Variants in GRID2 observed in about 807,000 individuals in gnomAD.
The protein encoded by GRID2 is glutamate receptor ionotropic, delta-2.
GRID2 carries 33 observed loss-of-function variants against 114.8 expected under a neutral mutation model. The observed-to-expected ratio is 0.29, with a 90% CI of 0.22 to 0.38. The LOEUF is 0.38. Ranked by LOEUF, GRID2 falls within the 10% of genes least tolerant of loss-of-function variation. The probability of loss-of-function intolerance (pLI) is 1.00; values close to 1 mark genes in which losing one functional copy is unlikely to be tolerated. For missense variants in GRID2, 1,184 were observed against 1,257.7 expected (o/e 0.94, Z 0.89); for synonymous variants, 505 against 449.9 (o/e 1.12, Z -1.55).
intron 14 of GRID2, among the ~76,000 whole-genome samples, chr4:93,632,607 T>C (rs1443245882): frequency 1.3e-5 from 2 of 152,208 alleles, no homozygotes; most frequent in Non-Finnish European, 2.9e-5. Flanking sequence ...CCATGCTGTT[T>C]TGGTTACTGT....
At chr4:92,968,026 A>G (rs1753270787) in intron 2 of GRID2, among the ~76,000 whole-genome samples, 1 of 151,910 alleles carries the variant, frequency 6.6e-6, no homozygotes, top group South Asian at 2.1e-4. Context: ...CTAGAACACC[A>G]TTAGGCCTGA....
chr4:92,304,445 C>T lies in GRID2; in HGVS notation c.-212C>T. ...CAAAATTCCCCTCCAAGTGACACGGCTTTGCGAAGGAGGTTTCCTCAGGCT... is the reference window on the plus strand; with the variant it reads ...CAAAATTCCCCTCCAAGTGACACGGTTTTGCGAAGGAGGTTTCCTCAGGCT... On this transcript the variant is annotated 5_prime_UTR_variant, in exon 1 of 16. Transcript: ENST00000282020. 1.7e-6 allele frequency: 1 copy of T among 597,258 alleles called. No individual in the cohort carries two copies. The allele number at this position is 597,258 out of a possible 1,614,324, so 37.0% of individuals were successfully genotyped here. A position where few individuals can be genotyped will look rare whatever the true frequency, so the allele number is the denominator to read the frequency against.
chr4:93,562,283 T>C lies in GRID2; in HGVS notation c.2193+46872T>C, dbSNP rs375101937. ...TGCATTTCCCTGATGATATACGATG[T>C]GGAGCATCATATAATAATAATAAGA... On this transcript the variant is annotated intron_variant, in intron 13 of 15. Coordinates refer to ENST00000282020, the MANE Select transcript of GRID2 (RefSeq NM_001510.4). Among the ~76,000 whole-genome samples the C allele has an allele frequency of 3.7e-4, 56 of 152,114 alleles. No individual in the cohort carries two copies. The Middle Eastern group carries it at 0.01, about 28-fold the overall frequency.
intron 2 of GRID2, among the ~76,000 whole-genome samples, chr4:92,630,622 G>A (rs1225888117): frequency 6.6e-6 from 1 of 152,026 alleles, no homozygotes; most frequent in East Asian, 1.9e-4. Context: ...GTTTTAGCTC[G>A]CTAAATCCTA....
chr4:92,374,780 T>C (rs1349186502), intron 1 of GRID2, among the ~76,000 whole-genome samples: 20 of 152,140 alleles, frequency 1.3e-4, no homozygotes, highest in Admixed American at 1.3e-3. Flanking sequence ...TAGGAATTCT[T>C]GAAGGGGATA....
chr4:92,403,628 G>T (rs1014736528), intron 1 of GRID2, among the ~76,000 whole-genome samples: 2 of 151,598 alleles, frequency 1.3e-5, no homozygotes, highest in Non-Finnish European at 2.9e-5. Flanking sequence ...GGAGGCAGAG[G>T]TTGCAGTGAG....
chr4:92,396,935 A>T (rs886321158), intron 1 of GRID2, among the ~76,000 whole-genome samples: 1 of 152,116 alleles, frequency 6.6e-6, no homozygotes, highest in Non-Finnish European at 1.5e-5. Context: ...TAACAGTAGA[A>T]CAAACTGCTG....
intron 2 of GRID2, among the ~76,000 whole-genome samples, chr4:92,776,934 G>A (rs1370334265): frequency 3.3e-5 from 5 of 152,032 alleles, no homozygotes; most frequent in Non-Finnish European, 5.9e-5. Context: ...AAAAAATGAT[G>A]TGAAGTGATC....
chr4:93,761,882 T>G (rs917307054), intron 14 of GRID2, among the ~76,000 whole-genome samples: 6 of 152,174 alleles, frequency 3.9e-5, no homozygotes, highest in Admixed American at 6.6e-5. Flanking sequence ...CACAGGAAGT[T>G]GATAGAATTG....
At chr4:92,737,823 T>G (rs554982861) in intron 2 of GRID2, among the ~76,000 whole-genome samples, 6 of 152,266 alleles carry the variant, frequency 3.9e-5, no homozygotes, top group South Asian at 4.1e-4. Flanking sequence ...TCAATATTTT[T>G]GGGGCTTTTG....
At chr4:93,026,091 T>C (rs1227802736) in intron 2 of GRID2, among the ~76,000 whole-genome samples, 4 of 151,820 alleles carry the variant, frequency 2.6e-5, no homozygotes, top group Non-Finnish European at 5.9e-5. Context: ...TAGTGTAATA[T>C]CAAGAAAATA....
chr4:92,352,299 A>G (rs1276444228), intron 1 of GRID2, among the ~76,000 whole-genome samples: 1 of 151,550 alleles, frequency 6.6e-6, no homozygotes, highest in Non-Finnish European at 1.5e-5. Context: ...TCTTTTAGAA[A>G]TGTCTATTCA....
At chr4:92,537,680 T>C (rs1328817842) in intron 1 of GRID2, among the ~76,000 whole-genome samples, 1 of 152,150 alleles carries the variant, frequency 6.6e-6, no homozygotes, top group Non-Finnish European at 1.5e-5. Context: ...ACTTGTCTTG[T>C]GAGCAGTGAT....
chr4:93,068,762 G>A (rs1166555246), intron 2 of GRID2, among the ~76,000 whole-genome samples: 1 of 151,902 alleles, frequency 6.6e-6, no homozygotes, highest in Admixed American at 6.6e-5. Flanking sequence ...AGGTGTGGGG[G>A]AAGAGAAGGT....
intron 1 of GRID2, among the ~76,000 whole-genome samples, chr4:92,499,899 G>A (rs776975442): frequency 5.3e-5 from 8 of 152,214 alleles, no homozygotes; most frequent in Non-Finnish European, 1.0e-4. Flanking sequence ...ACAGGCGTGC[G>A]CCATTGCGCC....
intron 2 of GRID2, among the ~76,000 whole-genome samples, chr4:92,749,310 C>CTTTTTTTTTTTT (rs68069370): frequency 2.8e-5 from 2 of 72,030 alleles, no homozygotes; most frequent in African/African-American, 1.3e-4. Context: ...TGATTTGTAG[C>CTTTTTTTTTTTT]TTTTTTTTTT....
chr4:93,478,590 TTAAC>T (rs961186802), intron 11 of GRID2, among the ~76,000 whole-genome samples: 8 of 151,468 alleles, frequency 5.3e-5, no homozygotes, highest in South Asian at 2.1e-4. Flanking sequence ...AATTATATAA[TTAAC>T]TACATAACAT....
intron 1 of GRID2, among the ~76,000 whole-genome samples, chr4:92,411,471 G>GT (rs1731296362): frequency 6.6e-6 from 1 of 151,422 alleles, no homozygotes; most frequent in African/African-American, 2.4e-5. Context: ...TATTCTTAAC[G>GT]TTCTTTCATT....
At chr4:92,565,458 G>A (rs1281989362) in intron 1 of GRID2, among the ~76,000 whole-genome samples, 1 of 151,868 alleles carries the variant, frequency 6.6e-6, no homozygotes, top group Non-Finnish European at 1.5e-5. Flanking sequence ...ATATCCCACA[G>A]GGGAAATATT....
Sources: allele counts gnomAD v4.1 joint callset (sites outside exome capture counted in the v4.1 genomes callset), GRCh38; gene constraint gnomAD v4.1.1; transcripts MANE v1.5; gene names NCBI Gene and HGNC (gene_info 2026-07-23, HGNC 2026-07-21).